INPP4B: variants seen among roughly 807,000 people sequenced by gnomAD.
The protein encoded by INPP4B is inositol polyphosphate-4-phosphatase type II B.
In INPP4B, 55 loss-of-function variants were observed where a neutral mutation model predicts 122.5. The observed-to-expected ratio is 0.45, with a 90% CI of 0.36 to 0.56. INPP4B has a LOEUF of 0.56. Ranked by LOEUF, INPP4B falls within the 20% of genes least tolerant of loss-of-function variation. The pLI, the probability that INPP4B is intolerant of heterozygous loss-of-function variation, is 0.00. For missense variants in INPP4B, 1,000 were observed against 1,097.7 expected (o/e 0.91, Z 1.26); for synonymous variants, 403 against 388.7 (o/e 1.04, Z -0.43).
intron 2 of INPP4B, among the ~76,000 whole-genome samples, chr4:142,509,865 A>G (rs1184544243): frequency 6.6e-6 from 1 of 152,176 alleles, no homozygotes; most frequent in Non-Finnish European, 1.5e-5. Context: ...TGCTTAACCC[A>G]GTATCTGACT....
At chr4:142,638,695 G>A (rs1418365214) in intron 2 of INPP4B, among the ~76,000 whole-genome samples, 10 of 151,800 alleles carry the variant, frequency 6.6e-5, no homozygotes, top group South Asian at 2.1e-4. Context: ...ACAGGTGCCC[G>A]CCACCATGTC....
At chr4:142,185,049 A>T (rs1285073675) in intron 15 of INPP4B, among the ~76,000 whole-genome samples, 1 of 152,136 alleles carries the variant, frequency 6.6e-6, no homozygotes, top group East Asian at 1.9e-4. Context: ...GGTAATTAAG[A>T]GGTTTGGTAG....
chr4:142,777,665 T>G (rs1342718669), intron 1 of INPP4B, among the ~76,000 whole-genome samples: 2 of 152,124 alleles, frequency 1.3e-5, no homozygotes, highest in Non-Finnish European at 2.9e-5. Context: ...ATATAATGCA[T>G]CAAGCCACAT....
intron 1 of INPP4B, among the ~76,000 whole-genome samples, chr4:142,807,846 T>C (rs750645396): frequency 5.9e-5 from 9 of 152,310 alleles, no homozygotes; most frequent in South Asian, 2.1e-4. Context: ...TTTGAAACAA[T>C]ATTTTATCTA....
intron 25 of INPP4B, among the ~76,000 whole-genome samples, chr4:142,032,468 C>A (rs758299339): frequency 6.6e-6 from 1 of 152,102 alleles, no homozygotes; most frequent in East Asian, 1.9e-4. Flanking sequence ...AAGGAGGGCA[C>A]ATAGATCTGA....
At chr4:142,449,475 G>A (rs764577277) in intron 3 of INPP4B, among the ~76,000 whole-genome samples, 5 of 151,984 alleles carry the variant, frequency 3.3e-5, no homozygotes, top group South Asian at 2.1e-4. Context: ...AGGTTGAGGC[G>A]GGTGGATCAT....
chr4:142,579,116 T>A (rs1473609004), intron 2 of INPP4B, among the ~76,000 whole-genome samples: 3 of 152,048 alleles, frequency 2.0e-5, no homozygotes, highest in Admixed American at 2.0e-4. Flanking sequence ...AAACAAAGTC[T>A]ACATGTTCTC....
At chr4:142,247,763 G>C (rs1280575549) in intron 11 of INPP4B, among the ~76,000 whole-genome samples, 1 of 151,806 alleles carries the variant, frequency 6.6e-6, no homozygotes, top group Non-Finnish European at 1.5e-5. Flanking sequence ...ACTGACTTTT[G>C]GAAGGGTTTT....
chr4:142,371,224 CAGA>C (rs139376138), intron 7 of INPP4B, among the ~76,000 whole-genome samples: 21,770 of 151,974 alleles, frequency 0.14, 1,777 homozygotes, highest in African/African-American at 0.22. Context: ...TATCCAAATG[CAGA>C]AGAATGAAAC....
At chr4:142,682,507 T>G (rs1758771798) in intron 2 of INPP4B, among the ~76,000 whole-genome samples, 1 of 151,924 alleles carries the variant, frequency 6.6e-6, no homozygotes, top group African/African-American at 2.4e-5. Context: ...ATTACATCAC[T>G]GATAAAATAA....
intron 7 of INPP4B, among the ~76,000 whole-genome samples, chr4:142,321,425 T>C (rs1215752177): frequency 2.6e-5 from 4 of 152,186 alleles, no homozygotes. Context: ...AGAAGCTCTT[T>C]AGTTTAATTA....
At chr4:142,248,297 T>C (rs917439147) in intron 11 of INPP4B, among the ~76,000 whole-genome samples, 6 of 150,170 alleles carry the variant, frequency 4.0e-5, no homozygotes, top group African/African-American at 1.5e-4. Context: ...CCCCCTCCTT[T>C]CCCTCTCTCT....
At chr4:142,744,621 C>A (rs185058153) in intron 1 of INPP4B, among the ~76,000 whole-genome samples, 2 of 151,620 alleles carry the variant, frequency 1.3e-5, no homozygotes, top group African/African-American at 4.8e-5. Context: ...TAACAATGAG[C>A]CAATATCTTT....
intron 14 of INPP4B, among the ~76,000 whole-genome samples, chr4:142,207,803 C>CT (rs1843179875): frequency 6.6e-6 from 1 of 152,072 alleles, no homozygotes; most frequent in Non-Finnish European, 1.5e-5. Flanking sequence ...TTGGAAAACA[C>CT]TTTTTTGATA....
intron 2 of INPP4B, among the ~76,000 whole-genome samples, chr4:142,711,837 C>T (rs1763157343): frequency 6.6e-6 from 1 of 152,060 alleles, no homozygotes; most frequent in African/African-American, 2.4e-5. Flanking sequence ...CACTTGAGGC[C>T]AGGAGTTCGA....
intron 9 of INPP4B, among the ~76,000 whole-genome samples, chr4:142,284,307 A>G (rs917018798): frequency 6.6e-6 from 1 of 152,146 alleles, no homozygotes; most frequent in African/African-American, 2.4e-5. Context: ...ATAATTTATG[A>G]TGCAAAAGAA....
At chr4:142,386,811 C>T (rs1185380914) in intron 7 of INPP4B, among the ~76,000 whole-genome samples, 1 of 152,096 alleles carries the variant, frequency 6.6e-6, no homozygotes, top group East Asian at 1.9e-4. Context: ...AAATTTAATT[C>T]GGCTTAAGTT....
intron 24 of INPP4B, among the ~76,000 whole-genome samples, chr4:142,082,723 C>T (rs1368546194): frequency 5.3e-5 from 8 of 152,156 alleles, no homozygotes; most frequent in Admixed American, 4.6e-4. Flanking sequence ...AAGGGAACTA[C>T]TCATCAATAC....
chr4:142,239,291 T>C (rs1410213722), intron 11 of INPP4B, among the ~76,000 whole-genome samples: 3 of 152,222 alleles, frequency 2.0e-5, no homozygotes, highest in Non-Finnish European at 4.4e-5. Flanking sequence ...TCAAAACTTC[T>C]AGTACATGTA....
Sources: allele counts gnomAD v4.1 joint callset (sites outside exome capture counted in the v4.1 genomes callset), GRCh38; gene constraint gnomAD v4.1.1; transcripts MANE v1.5; gene names NCBI Gene and HGNC (gene_info 2026-07-23, HGNC 2026-07-21).